Variants in GPHN observed in about 807,000 individuals in gnomAD.
The protein encoded by GPHN is gephyrin.
In GPHN, 17 loss-of-function variants were observed where a neutral mutation model predicts 95.5. That is an observed-to-expected ratio of 0.18 (90% CI 0.12 to 0.27). The LOEUF is 0.27. GPHN is among the 10% of genes least tolerant of loss of function. GPHN has a pLI of 1.00. For synonymous variants in GPHN, 320 were observed against 322.5 expected (o/e 0.99, Z 0.08); for missense variants, 660 against 978.1 (o/e 0.67, Z 4.34).
chr14:67,510,834 C>T, the GPHN span, among the ~76,000 whole-genome samples: 2 of 152,252 alleles, frequency 1.3e-5, no homozygotes, highest in African/African-American at 2.4e-5. Context: ...AAGTCCCTGT[C>T]GGTGCTCTGA....
At chr14:67,078,162 T>C (rs1235432315) in intron 11 of GPHN, among the ~76,000 whole-genome samples, 2 of 152,188 alleles carry the variant, frequency 1.3e-5, no homozygotes, top group Non-Finnish European at 2.9e-5. Context: ...AATGAAATGC[T>C]CACAGCAGTC....
At chr14:67,655,233 A>G in the GPHN span, among the ~76,000 whole-genome samples, 8 of 151,860 alleles carry the variant, frequency 5.3e-5, no homozygotes, top group African/African-American at 1.7e-4. Context: ...GCAGCTACAC[A>G]TGAGGATCAC....
chr14:67,555,222 A>G, the GPHN span, among the ~76,000 whole-genome samples: 2 of 152,218 alleles, frequency 1.3e-5, no homozygotes, highest in Non-Finnish European at 2.9e-5. Flanking sequence ...CCAGCTCGCA[A>G]GATAGAATTT....
the GPHN span, among the ~76,000 whole-genome samples, chr14:67,356,177 T>C: frequency 4.0e-3 from 604 of 152,262 alleles, no homozygotes; most frequent in Middle Eastern, 0.014. Flanking sequence ...ACCAACACTT[T>C]GGGAGGCCGA....
chr14:66,584,658 G>T (rs144860411), intron 1 of GPHN, among the ~76,000 whole-genome samples: 1 of 152,206 alleles, frequency 6.6e-6, no homozygotes, highest in East Asian at 1.9e-4. Flanking sequence ...TGTGGTTTTC[G>T]TCTTTGGTTT....
chr14:66,954,035 CAAAAA>C (rs34877524), intron 8 of GPHN, among the ~76,000 whole-genome samples: 1 of 128,906 alleles, frequency 7.8e-6, no homozygotes, highest in Non-Finnish European at 1.7e-5. Context: ...AACTCGGTCT[CAAAAA>C]AAAAAAAAAA....
intron 1 of GPHN, among the ~76,000 whole-genome samples, chr14:66,536,363 T>C (rs964637568): frequency 1.2e-4 from 18 of 152,210 alleles, no homozygotes; most frequent in African/African-American, 4.3e-4. Context: ...ATTACATTGA[T>C]TGATTTTTAA....
intron 1 of GPHN, among the ~76,000 whole-genome samples, chr14:66,563,466 T>C (rs559124843): frequency 6.6e-6 from 1 of 152,322 alleles, no homozygotes; most frequent in South Asian, 2.1e-4. Flanking sequence ...TTTAGCTCTC[T>C]AAATTTTTCT....
At chr14:67,302,670 A>G in the GPHN span, 1 of 947,610 alleles carries the variant, frequency 1.1e-6, no homozygotes, top group African/African-American at 1.7e-5. Flanking sequence ...AGAGCACTAG[A>G]TGATTTCTAG....
intron 2 of GPHN, among the ~76,000 whole-genome samples, chr14:66,773,660 A>C (rs1259482598): frequency 6.6e-6 from 1 of 152,112 alleles, no homozygotes. Flanking sequence ...TGATTTGGGG[A>C]AATCTTTAAT....
the GPHN span, among the ~76,000 whole-genome samples, chr14:67,234,992 C>T: frequency 7.2e-5 from 11 of 151,852 alleles, no homozygotes; most frequent in Middle Eastern, 3.4e-3. Flanking sequence ...CCTGCCTCTA[C>T]TAAAAGTACA....
chr14:67,317,790 A>G, the GPHN span, among the ~76,000 whole-genome samples: 3 of 152,240 alleles, frequency 2.0e-5, no homozygotes, highest in African/African-American at 7.2e-5. Flanking sequence ...TATGTCCTCT[A>G]CAATAGCTCA....
chr14:67,340,517 G>T, the GPHN span: 81 of 1,571,156 alleles, frequency 5.2e-5, no homozygotes, highest in Non-Finnish European at 6.7e-5. Flanking sequence ...GGGGAATGAT[G>T]ACTAGAATAA....
chr14:66,987,658 A>T (rs909520816), intron 9 of GPHN, among the ~76,000 whole-genome samples: 2 of 152,054 alleles, frequency 1.3e-5, no homozygotes, highest in Non-Finnish European at 2.9e-5. Context: ...TGTCAAAGTG[A>T]ATCTCTAGGG....
rs1402001324 is a variant in GPHN, at chr14:66,544,579, T to C, written c.64+35988T>C. On this transcript the variant is annotated intron_variant, in intron 1 of 22. Coordinates refer to ENST00000478722, the MANE Select transcript of GPHN (RefSeq NM_020806.5). ...AAGAATGCAAGCCTTTCTTTTTTTCTTTTTTTTTTTTTAATTTATTTATTT... is the reference window on the plus strand; with the variant it reads ...AAGAATGCAAGCCTTTCTTTTTTTCCTTTTTTTTTTTTAATTTATTTATTT... Among the ~76,000 whole-genome samples the C allele has an allele frequency of 8.0e-5, 6 of 74,832 alleles. No individual in the cohort carries two copies. The East Asian group carries it at 3.5e-3, about 44-fold the overall frequency. 49.1% of individuals were successfully genotyped at this position (74,832 alleles called of 152,430 possible).
intron 5 of GPHN, among the ~76,000 whole-genome samples, chr14:66,899,951 G>GGC (rs1162687360): frequency 6.6e-6 from 1 of 151,548 alleles, no homozygotes; most frequent in Admixed American, 6.6e-5. Context: ...AAAGTTACAG[G>GGC]GCTATTTATC....
At chr14:67,410,998 TTAGCTGGGCATAGTAGTGGATACCTG>T in the GPHN span, among the ~76,000 whole-genome samples, 2 of 151,798 alleles carry the variant, frequency 1.3e-5, no homozygotes, top group Non-Finnish European at 2.9e-5. Flanking sequence ...AATACAAAAA[TTAGCTGGGCATAGTAGTGGATACCTG>T]TAGTCCCAGC....
Position 66,508,533 on chromosome 14 carries a change from G to T in GPHN, c.6G>T (p.Ala2=). The T allele has an allele frequency of 6.2e-7, 1 of 1,614,028 alleles. No homozygotes were observed. The highest frequency in any genetic ancestry group is 1.1e-5 in the South Asian group (1 of 91,062). The stretch of plus-strand genomic sequence containing the variant: ...CGGTGACTGCGCTGGGAAACATGGC[G>T]ACCGAGGGAATGATCCTTACTAACC... M[A]TEGMILTNHD... is the part of the protein sequence containing the mutation. The change falls in exon 1 of 23, where the codon GCG becomes GCT. Residue 2 remains alanine, a synonymous_variant. Coordinates refer to ENST00000478722, the MANE Select transcript of GPHN (RefSeq NM_020806.5).
At chr14:66,557,309 A>G (rs1363773439) in intron 1 of GPHN, among the ~76,000 whole-genome samples, 2 of 152,064 alleles carry the variant, frequency 1.3e-5, no homozygotes, top group Non-Finnish European at 2.9e-5. Context: ...GCGCTAAGAT[A>G]TAAAAGAGTA....
Sources: gnomAD v4.1 joint callset for allele counts (sites outside exome capture counted in the v4.1 genomes callset) on GRCh38, gnomAD v4.1.1 for gene constraint, MANE v1.5 for transcripts, NCBI Gene and HGNC (gene_info 2026-07-23, HGNC 2026-07-21) for gene names.